The following PLPPR1 variants were observed in gnomAD, a reference collection of about 807,000 sequenced individuals.
The protein encoded by PLPPR1 is phospholipid phosphatase related 1.
A neutral mutation model predicts 33.1 loss-of-function variants in PLPPR1; 10 were observed. The ratio of observed to expected loss-of-function variants is 0.30; its 90% CI spans 0.19 to 0.51. The LOEUF (loss-of-function observed/expected upper bound fraction) is 0.51, where lower values mean the gene tolerates loss of function less well. PLPPR1 is among the 20% of genes least tolerant of loss of function. The pLI is 0.97. For synonymous variants in PLPPR1, 151 were observed against 151.0 expected, an observed-to-expected ratio of 1.00 and a Z score of 0.00; for missense variants, 304 against 408.1, an observed-to-expected ratio of 0.74 and a Z score of 2.20.
chr9:101,190,586 T>G (rs376681673), intron 2 of PLPPR1, among the ~76,000 whole-genome samples: 1 of 151,984 alleles, frequency 6.6e-6, no homozygotes, highest in Non-Finnish European at 1.5e-5. Context: ...TGGCAGTTGG[T>G]GGGGAGAACA....
chr9:101,218,238 A>G (rs1335818873), intron 2 of PLPPR1, among the ~76,000 whole-genome samples: 1 of 152,212 alleles, frequency 6.6e-6, no homozygotes, highest in Non-Finnish European at 1.5e-5. Flanking sequence ...AGCATCTTGG[A>G]AAGTGTTTTC....
rs150100881 is a variant in PLPPR1, at chr9:101,064,767, G to A, written c.-46+35665G>A. ...CTGGGAGGTCTAAGATTGAGGGAGC[G>A]CATCTGATGAGGGCCTTCTTTCCGA... On this transcript the variant is annotated intron_variant, in intron 1 of 7. Transcript: ENST00000374874. Among the ~76,000 whole-genome samples, 15 of 152,112 alleles carry A rather than the reference G, an allele frequency of 9.9e-5. No homozygotes were observed. The South Asian group carries it at 1.7e-3, about 17-fold the overall frequency.
At chr9:101,100,902 A>C (rs138150362) in intron 1 of PLPPR1, among the ~76,000 whole-genome samples, 1 of 152,282 alleles carries the variant, frequency 6.6e-6, no homozygotes, top group East Asian at 1.9e-4. Context: ...CCACAGTAAC[A>C]TAGCTAAACA....
rs1828545471 is a variant in PLPPR1, at chr9:101,292,997, G to C, written c.385+6761G>C. Among the ~76,000 whole-genome samples, 3 of 152,080 alleles carry C rather than the reference G, an allele frequency of 2.0e-5. No homozygotes were observed. In the South Asian group the frequency reaches 6.2e-4, roughly 32 times the overall value. ...AATGGACTAAATGCTCCAATTAAAA[G>C]ACACAGACTGGCAAATTGGATAGAG... On this transcript the variant is annotated intron_variant, in intron 4 of 7. Transcript: ENST00000374874.
intron 4 of PLPPR1, among the ~76,000 whole-genome samples, chr9:101,293,324 G>A (rs1486723555): frequency 2.6e-5 from 4 of 151,508 alleles, no homozygotes; most frequent in Non-Finnish European, 5.9e-5. Context: ...TGACCTACAA[G>A]GAGACTTAGA....
At chr9:101,289,471 T>G (rs1029549614) in intron 4 of PLPPR1, among the ~76,000 whole-genome samples, 50 of 152,344 alleles carry the variant, frequency 3.3e-4, no homozygotes, top group African/African-American at 1.2e-3. Context: ...TGAGAGTTGA[T>G]ATGGTTTGGC....
At chr9:101,286,329 A>G (rs1828394326) in intron 4 of PLPPR1, 93 bp downstream of exon 4, 1 of 1,242,180 alleles carries the variant, frequency 8.1e-7, no homozygotes, top group African/African-American at 1.5e-5. Context: ...AAGTATCAAC[A>G]TTAAAAGCAA....
intron 1 of PLPPR1, among the ~76,000 whole-genome samples, chr9:101,149,237 A>G (rs1323563057): frequency 6.6e-6 from 1 of 152,224 alleles, no homozygotes; most frequent in Non-Finnish European, 1.5e-5. Context: ...CACATCCAGA[A>G]TTAAGTAAAG....
rs113825373 is a variant in PLPPR1, at chr9:101,031,052, T to C, written c.-46+1950T>C. On this transcript the variant is annotated intron_variant, in intron 1 of 7. Coordinates refer to ENST00000374874, the MANE Select transcript of PLPPR1 (RefSeq NM_207299.2). ...TTCAGTAAGATAGAAATCTGAGTGT[T>C]TTATTTTCAAATAACTAGGGAAGTA... 2.9e-3 allele frequency among the ~76,000 whole-genome samples: 441 copies of C among 152,248 alleles called. 6 individuals are homozygous for C. Among genetic ancestry groups the C allele is most frequent in the Middle Eastern group, 0.01 (3 of 294 alleles).
chr9:101,228,219 T>C (rs1827110867), intron 2 of PLPPR1, among the ~76,000 whole-genome samples: 2 of 152,002 alleles, frequency 1.3e-5, no homozygotes, highest in Admixed American at 1.3e-4. Flanking sequence ...GTGAGAAAAA[T>C]AATGTTGCAA....
chr9:101,111,748 T>G (rs2118576320), intron 1 of PLPPR1, among the ~76,000 whole-genome samples: 1 of 152,316 alleles, frequency 6.6e-6, no homozygotes, highest in South Asian at 2.1e-4. Flanking sequence ...TATTATTTTC[T>G]GAGTCTCTCT....
intron 1 of PLPPR1, among the ~76,000 whole-genome samples, chr9:101,065,186 T>G (rs2118475115): frequency 6.6e-6 from 1 of 152,218 alleles, no homozygotes; most frequent in African/African-American, 2.4e-5. Flanking sequence ...CTCACCCTAC[T>G]TTTTTATACA....
intron 1 of PLPPR1, among the ~76,000 whole-genome samples, chr9:101,044,632 G>A (rs574785932): frequency 3.3e-5 from 5 of 152,126 alleles, no homozygotes; most frequent in Non-Finnish European, 7.4e-5. Context: ...TCATTTTATA[G>A]AAAATGAAAG....
At chr9:101,282,084 C>A (rs1017712580) in intron 3 of PLPPR1, among the ~76,000 whole-genome samples, 12 of 152,172 alleles carry the variant, frequency 7.9e-5, no homozygotes, top group Non-Finnish European at 1.5e-4. Context: ...ACAAGGTCAG[C>A]ATTCCCCTAA....
intron 1 of PLPPR1, among the ~76,000 whole-genome samples, chr9:101,067,134 G>C (rs948224140): frequency 2.0e-5 from 3 of 151,774 alleles, no homozygotes; most frequent in Non-Finnish European, 4.4e-5. Context: ...CCTCAACTCT[G>C]TTGCGAGGTC....
At chr9:101,030,347 A>G (rs909500091) in intron 1 of PLPPR1, among the ~76,000 whole-genome samples, 1 of 150,782 alleles carries the variant, frequency 6.6e-6, no homozygotes, top group Non-Finnish European at 1.5e-5. Flanking sequence ...GGGGACGTAC[A>G]CTACAGCCTT....
At chr9:101,285,963 T>A (rs1008663323) in intron 3 of PLPPR1, 141 bp from the exon 4 acceptor site, 1 of 605,916 alleles carries the variant, frequency 1.7e-6, no homozygotes, top group African/African-American at 1.8e-5. Flanking sequence ...AAATGCAAAT[T>A]ACGATCTAAT....
chr9:101,275,313 A>G (rs1828170891), intron 3 of PLPPR1, among the ~76,000 whole-genome samples: 1 of 152,200 alleles, frequency 6.6e-6, no homozygotes, highest in Admixed American at 6.5e-5. Context: ...TCACAATTGC[A>G]GGGATGCACA....
At chr9:101,293,866 T>C (rs1198842911) in intron 4 of PLPPR1, among the ~76,000 whole-genome samples, 1 of 151,328 alleles carries the variant, frequency 6.6e-6, no homozygotes, top group Non-Finnish European at 1.5e-5. Context: ...GATCCAAAAT[T>C]GACACCCTAA....
Sources: gnomAD v4.1 joint callset for allele counts (sites outside exome capture counted in the v4.1 genomes callset) on GRCh38, gnomAD v4.1.1 for gene constraint, MANE v1.5 for transcripts, NCBI Gene and HGNC (gene_info 2026-07-23, HGNC 2026-07-21) for gene names.